MOB3B: variants seen among roughly 807,000 people sequenced by gnomAD.
The protein encoded by MOB3B is MOB kinase activator 3B.
MOB3B carries 7 observed loss-of-function variants against 18.7 expected under a neutral mutation model. That is an observed-to-expected ratio of 0.37 (90% CI 0.21 to 0.70). The LOEUF (loss-of-function observed/expected upper bound fraction) is 0.70. Among genes scored for constraint, MOB3B ranks in the 30% least tolerant of loss-of-function variants. MOB3B has a pLI of 0.52. For synonymous variants in MOB3B, 111 were observed against 99.9 expected (o/e 1.11, Z -0.66); for missense variants, 253 against 281.3 (o/e 0.90, Z 0.72).
At chr9:27,529,006 C>T (rs1396492731) in intron 1 of MOB3B, among the ~76,000 whole-genome samples, 1 of 152,174 alleles carries the variant, frequency 6.6e-6, no homozygotes, top group Non-Finnish European at 1.5e-5. Flanking sequence ...TTACACGCTC[C>T]CCACCTCCGT....
At chr9:27,491,553 T>G (rs1819820333) in intron 1 of MOB3B, among the ~76,000 whole-genome samples, 3 of 152,188 alleles carry the variant, frequency 2.0e-5, no homozygotes, top group Non-Finnish European at 2.9e-5. Context: ...TTTTCCATAT[T>G]CTAAATTAGA....
At chr9:27,518,139 G>A (rs140999102) in intron 1 of MOB3B, among the ~76,000 whole-genome samples, 87 of 152,294 alleles carry the variant, frequency 5.7e-4, no homozygotes, top group African/African-American at 2.0e-3. Context: ...CTTCAGAAAT[G>A]TCAAGAAACC....
In MOB3B at chr9:27,327,965, T is replaced by C. The variant is rs1370000930; in HGVS notation, c.*2622A>G. On this transcript the variant is annotated 3_prime_UTR_variant, in exon 4 of 4. Coordinates refer to ENST00000262244, the MANE Select transcript of MOB3B (RefSeq NM_024761.5). ...AATGTGAGGCAGGTGCGGTGGTACA[T>C]GCCATAGTCCTGGCTACTCAGGAGG... 1 of 151,848 alleles carries C rather than the reference T, an allele frequency of 6.6e-6. No individual in the cohort carries two copies. The highest frequency in any genetic ancestry group is 6.6e-5 in the Admixed American group (1 of 15,226). 9.4% of individuals were successfully genotyped at this position (151,848 alleles called of 1,614,324 possible).
intron 2 of MOB3B, among the ~76,000 whole-genome samples, chr9:27,444,795 C>A (rs534367016): frequency 4.5e-4 from 69 of 152,236 alleles, no homozygotes; most frequent in African/African-American, 1.5e-3. Context: ...TGATGGTTAA[C>A]CAGGACTGCT....
At chr9:27,483,797 AAG>A (rs1269442120) in intron 1 of MOB3B, among the ~76,000 whole-genome samples, 2 of 152,154 alleles carry the variant, frequency 1.3e-5, no homozygotes, top group Admixed American at 6.5e-5. Context: ...GGAGGGTGCA[AAG>A]AGAGCTGGTA....
At chr9:27,496,036 T>A (rs933154024) in intron 1 of MOB3B, among the ~76,000 whole-genome samples, 5 of 152,218 alleles carry the variant, frequency 3.3e-5, no homozygotes, top group African/African-American at 4.8e-5. Context: ...CTAAGGCACA[T>A]AGAAGCGTTA....
chr9:27,468,381 G>C (rs929944008), intron 1 of MOB3B, among the ~76,000 whole-genome samples: 3 of 152,186 alleles, frequency 2.0e-5, no homozygotes, highest in Non-Finnish European at 4.4e-5. Context: ...CCAGGGAACT[G>C]AAAAACTTTC....
chr9:27,459,657 G>A (rs898316400), intron 1 of MOB3B, among the ~76,000 whole-genome samples: 7 of 151,934 alleles, frequency 4.6e-5, no homozygotes, highest in Non-Finnish European at 2.9e-5. Flanking sequence ...GAATACAATC[G>A]CCTTGACAGA....
intron 1 of MOB3B, among the ~76,000 whole-genome samples, chr9:27,484,990 C>A (rs1819713334): frequency 6.6e-6 from 1 of 152,078 alleles, no homozygotes; most frequent in Admixed American, 6.6e-5. Context: ...ATGAACCACC[C>A]CGGAAAATTG....
intron 2 of MOB3B, chr9:27,394,060 T>G (rs1404944737): frequency 6.6e-6 from 1 of 152,186 alleles, no homozygotes; most frequent in Non-Finnish European, 1.5e-5. Context: ...AACTCATTAA[T>G]CAATCCCTAC....
At chr9:27,444,499 T>C (rs1361720290) in intron 2 of MOB3B, among the ~76,000 whole-genome samples, 1 of 152,202 alleles carries the variant, frequency 6.6e-6, no homozygotes, top group Non-Finnish European at 1.5e-5. Flanking sequence ...TATGAAAAAG[T>C]GGGCCTAAAT....
At chr9:27,340,667 C>G (rs1179632469) in intron 3 of MOB3B, among the ~76,000 whole-genome samples, 1 of 152,182 alleles carries the variant, frequency 6.6e-6, no homozygotes, top group Non-Finnish European at 1.5e-5. Context: ...CCTGTATCAA[C>G]CTGGCTGATG....
intron 2 of MOB3B, among the ~76,000 whole-genome samples, chr9:27,393,087 A>G (rs1821749780): frequency 6.6e-6 from 1 of 152,198 alleles, no homozygotes; most frequent in Admixed American, 6.5e-5. Context: ...GGAGTTTCAC[A>G]TTAGACAGAT....
At chr9:27,482,167 T>C (rs931713601) in intron 1 of MOB3B, among the ~76,000 whole-genome samples, 4 of 152,224 alleles carry the variant, frequency 2.6e-5, no homozygotes, top group African/African-American at 9.6e-5. Context: ...AACGCCACTG[T>C]GATCCCCACC....
At chr9:27,481,461 G>A (rs556924352) in intron 1 of MOB3B, among the ~76,000 whole-genome samples, 1 of 150,536 alleles carries the variant, frequency 6.6e-6, no homozygotes, top group Admixed American at 6.6e-5. Flanking sequence ...GGCGCCTGGG[G>A]TAAACTGGTA....
chr9:27,410,029 A>G (rs10119755), intron 2 of MOB3B, among the ~76,000 whole-genome samples: 5,843 of 152,314 alleles, frequency 0.038, 325 homozygotes, highest in African/African-American at 0.13. Context: ...CAACACTGTG[A>G]ATGTGTTTAA....
At chr9:27,374,999 G>A (rs1821471218) in intron 2 of MOB3B, among the ~76,000 whole-genome samples, 1 of 152,230 alleles carries the variant, frequency 6.6e-6, no homozygotes, top group Non-Finnish European at 1.5e-5. Flanking sequence ...GGCCATTTTA[G>A]GGAGCAGGGG....
At chr9:27,447,041 T>C (rs1287049093) in intron 2 of MOB3B, among the ~76,000 whole-genome samples, 1 of 152,126 alleles carries the variant, frequency 6.6e-6, no homozygotes, top group Admixed American at 6.6e-5. Context: ...AAAGGTCCTG[T>C]CTGCAGAGAC....
rs1310312258 is a variant in MOB3B, at chr9:27,363,262, G to GT, written c.419-4027dup. ...GTGGAATTATTATTTCAGGTTTTTC[G>GT]TTTTTTTGTTTGTTTGTTTTTGTGT... On this transcript the variant is annotated intron_variant, in intron 2 of 3. Coordinates refer to ENST00000262244, the MANE Select transcript of MOB3B (RefSeq NM_024761.5). Among the ~76,000 whole-genome samples, 5 of 152,028 alleles carry GT rather than the reference G, an allele frequency of 3.3e-5. No homozygotes were observed. In the South Asian group the frequency reaches 1.0e-3, roughly 32 times the overall value.
Sources: allele counts gnomAD v4.1 joint callset (sites outside exome capture counted in the v4.1 genomes callset), GRCh38; gene constraint gnomAD v4.1.1; transcripts MANE v1.5; gene names NCBI Gene and HGNC (gene_info 2026-07-23, HGNC 2026-07-21).